The following SCRN2 variants were observed in gnomAD, a reference collection of about 807,000 sequenced individuals.
SCRN2 encodes the protein secernin 2.
Under a neutral mutation model 40.1 loss-of-function variants are expected in SCRN2, and 30 were observed. The observed-to-expected ratio is 0.75, with a 90% CI of 0.56 to 1.01. The LOEUF (loss-of-function observed/expected upper bound fraction) is 1.01. Among genes scored for constraint, SCRN2 ranks in the 50% least tolerant of loss-of-function variants. The probability of loss-of-function intolerance (pLI) is 0.00; values close to 1 mark genes in which losing one functional copy is unlikely to be tolerated. For synonymous variants in SCRN2, 240 were observed against 233.5 expected, an observed-to-expected ratio of 1.03 and a Z score of -0.25; for missense variants, 526 against 564.9, an observed-to-expected ratio of 0.93 and a Z score of 0.70.
At chr17:47,840,510 C>T in intron 2 of SCRN2, 138 bp from the exon 3 acceptor site, 2 of 1,245,874 alleles carry the variant, frequency 1.6e-6, no homozygotes, top group Non-Finnish European at 2.2e-6. Context: ...CTGAGGTAGA[C>T]TGAGGCTACA....
chr17:47,840,052 C>T (rs1472617020), intron 3 of SCRN2, 139 bp downstream of exon 3: 2 of 815,138 alleles, frequency 2.5e-6, no homozygotes, highest in Non-Finnish European at 3.8e-6. Flanking sequence ...GCCTTCTTCA[C>T]GAAGGCACAA....
intron 2 of SCRN2, 59 bp downstream of exon 2, chr17:47,840,611 G>T (rs2033801848): frequency 6.6e-7 from 1 of 1,517,458 alleles, no homozygotes; most frequent in Non-Finnish European, 8.9e-7. Context: ...AGGGAAGAAG[G>T]TCTTAAAAGA....
At position 47,839,504 on chromosome 17, in the gene SCRN2, G is replaced by C. The variant is rs201868822; in HGVS notation, c.496C>G (p.Arg166Gly). The C allele has an allele frequency of 1.2e-6, 2 of 1,613,742 alleles. No homozygotes were observed. The highest frequency in any genetic ancestry group is 2.7e-5 in the African/African-American group (2 of 74,950). The change falls in exon 4 of 8, where the codon CGC becomes GGC. Residue 166 changes from arginine to glycine, a missense_variant. Physicochemically the swap from Arg to Gly is moderately radical, Grantham distance 125 (BLOSUM62 -2). Transcript: ENST00000290216. Reference protein sequence around the residue: ...SYHSTFLLADRTEAWVLETAG... With the variant: ...SYHSTFLLADGTEAWVLETAG... Reference sequence around the variant, plus strand: ...GTCTCCAGCACCCACGCCTCAGTGCGGTCAGCCAGCAGGAAGGTGCTATGG... The same window carrying C: ...GTCTCCAGCACCCACGCCTCAGTGCCGTCAGCCAGCAGGAAGGTGCTATGG...
chr17:47,838,551 G>T lies in SCRN2; in HGVS notation c.918C>A (p.Thr306=). 6.2e-7 allele frequency: 1 copy of T among 1,614,052 alleles called. No homozygotes were observed. The highest frequency in any genetic ancestry group is 8.5e-7 in the Non-Finnish European group (1 of 1,180,008). The change falls in exon 6 of 8, where the codon ACC becomes ACA. Residue 306 remains threonine, a synonymous_variant. Transcript: ENST00000290216. The part of the protein sequence containing the change: ...DPTQPCVHFL[T]ATPDPSRSVF... ...CCCACCTGGATGGGTCTGGCGTGGC[G>T]GTAAGAAAGTGCACGCAGGGCTGCG...
chr17:47,840,687 G>A lies in SCRN2; in HGVS notation c.157C>T (p.Pro53Ser). 1 of 1,604,344 alleles carries A rather than the reference G, an allele frequency of 6.2e-7. No individual in the cohort carries two copies. Among genetic ancestry groups the A allele is most frequent in the Non-Finnish European group, 8.5e-7 (1 of 1,175,294 alleles). The part of the protein sequence containing the change: ...VVFVPAGTHT[P>S]GSRLQCTYIE... ...TAACCCACCTGGAGCCGGCTCCCAG[G>A]AGTGTGAGTGCCTGCGGGGACAAAC... The change falls in exon 2 of 8, where the codon CCT becomes TCT. Residue 53 changes from proline to serine, a missense_variant. Pro to Ser is a moderately conservative substitution (Grantham distance 74). Transcript: ENST00000290216.
rs1429285299 is a variant in SCRN2, at chr17:47,838,022, AGATGAGTCT to A, written c.1120-29_1120-21del. The A allele has an allele frequency of 9.4e-6, 15 of 1,602,846 alleles. No individual in the cohort carries two copies. Among genetic ancestry groups the A allele is most frequent in the Non-Finnish European group, 1.2e-5 (14 of 1,179,026 alleles). Reference sequence around the variant, plus strand: ...CCGATCCTGCCCCAAGGGAAAGCTGAGATGAGTCTGTCCGGGACAGGCTTCCCGCCAGGT... The same window carrying A: ...CCGATCCTGCCCCAAGGGAAAGCTGAGTCCGGGACAGGCTTCCCGCCAGGT... On this transcript the variant is annotated intron_variant, in intron 7 of 7. Transcript: ENST00000290216.
rs761238873 is a variant in SCRN2 at position 47,840,860 on chromosome 17, C to T, written c.1-17G>A. ...CGACGCCATCTGGGGAGAGGCGGGC[C>T]TCTCCATAACCCTGGCCACGGCTCA... is the stretch of plus-strand genomic sequence containing the variant. On this transcript the variant is annotated splice_polypyrimidine_tract_variant and intron_variant, in intron 1 of 7. Transcript: ENST00000290216. The T allele has an allele frequency of 5.3e-6, 8 of 1,501,388 alleles. No homozygotes were observed. The highest frequency in any genetic ancestry group is 2.3e-5 in the Admixed American group (1 of 43,460). 93.0% of individuals were successfully genotyped at this position (1,501,388 alleles called of 1,614,324 possible).
At position 47,837,898 on chromosome 17, in the gene SCRN2, C is replaced by T; in HGVS notation, c.1224G>A (p.Glu408=). 6.2e-7 allele frequency: 1 copy of T among 1,604,520 alleles called. No individual in the cohort carries two copies. The change falls in exon 8 of 8, where the codon GAG becomes GAA. Residue 408 remains glutamate, a synonymous_variant. Coordinates refer to ENST00000290216, the MANE Select transcript of SCRN2 (RefSeq NM_138355.4). ...CGAAGGCCTGGAAGAGGCTGCCCAGCTCCCAGAGGGGTGGGGCCCACTCGC... is the reference window on the plus strand; with the variant it reads ...CGAAGGCCTGGAAGAGGCTGCCCAGTTCCCAGAGGGGTGGGGCCCACTCGC... The part of the protein sequence containing the change: ...LAGEWAPPLW[E]LGSLFQAFVK...
chr17:47,839,027 TG>T (rs1287215594), intron 4 of SCRN2, 21 bp from the exon 5 acceptor site: 4 of 1,610,714 alleles, frequency 2.5e-6, no homozygotes, highest in Non-Finnish European at 3.4e-6. Flanking sequence ...GATCGGGGAG[TG>T]GTTCATTTAC....
chr17:47,840,623 T>G, intron 2 of SCRN2, 47 bp downstream of exon 2: 2 of 1,534,704 alleles, frequency 1.3e-6, no homozygotes, highest in Non-Finnish European at 1.8e-6. Flanking sequence ...CTTAAAAGAA[T>G]GCAGAGATCT....
At position 47,839,517 on chromosome 17, in the gene SCRN2, G is replaced by A; in HGVS notation, c.483C>T (p.Phe161=). The change falls in exon 4 of 8, where the codon TTC becomes TTT. Residue 161 remains phenylalanine, a synonymous_variant. Transcript: ENST00000290216. ...ACGCCTCAGTGCGGTCAGCCAGCAGGAAGGTGCTATGGTAGGAGAATGGCG... is the reference window on the plus strand; with the variant it reads ...ACGCCTCAGTGCGGTCAGCCAGCAGAAAGGTGCTATGGTAGGAGAATGGCG... ...DAAPFSYHST[F]LLADRTEAWV... is the part of the protein sequence containing the mutation. The A allele has an allele frequency of 6.2e-7, 1 of 1,614,000 alleles. No homozygotes were observed. The highest frequency in any genetic ancestry group is 1.1e-5 in the South Asian group (1 of 91,084).
At chr17:47,840,570 T>C in intron 2 of SCRN2, 100 bp downstream of exon 2, 1 of 1,369,652 alleles carries the variant, frequency 7.3e-7, no homozygotes, top group Non-Finnish European at 9.8e-7. Context: ...GCTCTTCCAC[T>C]ACTTCTGGCA....
At chr17:47,838,757 T>A in intron 5 of SCRN2, 34 bp downstream of exon 5, 2 of 1,610,696 alleles carry the variant, frequency 1.2e-6, no homozygotes, top group Non-Finnish European at 1.7e-6. Flanking sequence ...GCTGTGGCCC[T>A]CCTGGCCCCC....
At chr17:47,839,834 T>C (rs981743965) in intron 3 of SCRN2, 191 bp from the exon 4 acceptor site, 3 of 628,080 alleles carry the variant, frequency 4.8e-6, no homozygotes, top group South Asian at 3.9e-5. Flanking sequence ...CCATGTGCTA[T>C]GCTTTGAGGG....
At chr17:47,839,046 CAT>C in intron 4 of SCRN2, 40 bp from the exon 5 acceptor site, 1 of 1,601,806 alleles carries the variant, frequency 6.2e-7, no homozygotes, top group South Asian at 1.1e-5. Flanking sequence ...TACCATTGAG[CAT>C]CTATTCTATG....
In SCRN2 at chr17:47,840,908, C is replaced by T. The variant is rs551120464; in HGVS notation, c.1-65G>A. The T allele has an allele frequency of 3.6e-6, 5 of 1,375,072 alleles. No homozygotes were observed. In the South Asian group the frequency reaches 7.0e-5, roughly 19 times the overall value. The allele number at this position is 1,375,072 out of a possible 1,614,324, so 85.2% of individuals were successfully genotyped here. Reference sequence around the variant, plus strand: ...TCAGCCCCGAGGAGCAGCCTACCCCCACACGTGTAAAAGACGCGCAAGGAA... The same window carrying T: ...TCAGCCCCGAGGAGCAGCCTACCCCTACACGTGTAAAAGACGCGCAAGGAA... On this transcript the variant is annotated intron_variant, in intron 1 of 7. Coordinates refer to ENST00000290216, the MANE Select transcript of SCRN2 (RefSeq NM_138355.4).
chr17:47,838,109 C>A, intron 7 of SCRN2, 107 bp from the exon 8 acceptor site: 2 of 1,533,546 alleles, frequency 1.3e-6, no homozygotes, highest in Non-Finnish European at 8.7e-7. Context: ...AGATACCCCC[C>A]GACATTCCCC....
intron 3 of SCRN2, chr17:47,839,847 C>G: frequency 1.6e-6 from 1 of 617,464 alleles, no homozygotes; most frequent in Non-Finnish European, 2.8e-6. Context: ...TTTGAGGGTT[C>G]CATGAAAAGG....
In SCRN2 at chr17:47,839,444, C is replaced by A. The variant is rs141595908; in HGVS notation, c.556G>T (p.Glu186Ter). 1 of 1,612,278 alleles carries A rather than the reference C, an allele frequency of 6.2e-7. No individual in the cohort carries two copies. The highest frequency in any genetic ancestry group is 1.7e-5 in the Admixed American group (1 of 60,018). The change falls in exon 4 of 8, where the codon GAG becomes TAG. Residue 186 changes from glutamate (E) to a stop codon, truncating the protein, a stop_gained and splice_region_variant. Transcript: ENST00000290216. LOFTEE classifies it high-confidence loss of function. The stretch of plus-strand genomic sequence containing the variant: ...AGCTGGGAGAAAGGGAACACCTCAC[C>A]CTGGATCCTCTGTGCAGCCCAGAGC... ...GRLWAAQRIQ[E>*]GARNISNQLS...
Sources: gnomAD v4.1 joint callset for allele counts on GRCh38, gnomAD v4.1.1 for gene constraint, MANE v1.5 for transcripts, NCBI Gene and HGNC (gene_info 2026-07-23, HGNC 2026-07-21) for gene names.